Variants in CCSER1 observed in about 807,000 individuals in gnomAD.
CCSER1 encodes serine-rich coiled-coil domain-containing protein 1.
In CCSER1, 41 loss-of-function variants were observed where a neutral mutation model predicts 82.0. The ratio of observed to expected loss-of-function variants is 0.50; its 90% confidence interval spans 0.39 to 0.65. The LOEUF is 0.65. Ranked by LOEUF, CCSER1 falls within the 30% of genes least tolerant of loss-of-function variation. The probability of loss-of-function intolerance (pLI) is 0.00; values close to 1 mark genes in which losing one functional copy is unlikely to be tolerated. For missense variants in CCSER1, 1,119 were observed against 1,064.2 expected (o/e 1.05, Z -0.72); for synonymous variants, 414 against 383.9 (o/e 1.08, Z -0.92).
At chr4:90,457,525 G>A (rs140064587) in intron 4 of CCSER1, among the ~76,000 whole-genome samples, 1 of 152,182 alleles carries the variant, frequency 6.6e-6, no homozygotes, top group Non-Finnish European at 1.5e-5. Flanking sequence ...GAGACCTGAA[G>A]TGGGTAGCTT....
intron 6 of CCSER1, among the ~76,000 whole-genome samples, chr4:90,632,782 A>T (rs1724685641): frequency 6.6e-6 from 1 of 152,104 alleles, no homozygotes; most frequent in Admixed American, 6.5e-5. Flanking sequence ...CTTGCTCCTG[A>T]ATACTTTTCA....
At chr4:91,317,020 C>G (rs1177764490) in intron 10 of CCSER1, among the ~76,000 whole-genome samples, 1 of 151,830 alleles carries the variant, frequency 6.6e-6, no homozygotes, top group Non-Finnish European at 1.5e-5. Flanking sequence ...TTGTAAATTT[C>G]AAAATTGCTA....
intron 10 of CCSER1, among the ~76,000 whole-genome samples, chr4:91,313,367 A>G (rs1051376221): frequency 2.6e-5 from 4 of 151,796 alleles, no homozygotes; most frequent in African/African-American, 9.7e-5. Context: ...CTTTGTTTGC[A>G]TTCTTTCTAT....
intron 3 of CCSER1, among the ~76,000 whole-genome samples, chr4:90,381,645 A>C (rs928736371): frequency 6.6e-6 from 1 of 152,090 alleles, no homozygotes; most frequent in Non-Finnish European, 1.5e-5. Context: ...ATAAAGAAAG[A>C]GGGGGAAAAT....
At chr4:91,157,956 G>A (rs1001305830) in intron 10 of CCSER1, among the ~76,000 whole-genome samples, 1 of 151,948 alleles carries the variant, frequency 6.6e-6, no homozygotes, top group Non-Finnish European at 1.5e-5. Flanking sequence ...ACATGGATTT[G>A]TACTAAATTA....
intron 1 of CCSER1, among the ~76,000 whole-genome samples, chr4:90,184,588 G>C (rs1396909778): frequency 6.6e-6 from 1 of 152,068 alleles, no homozygotes; most frequent in African/African-American, 2.4e-5. Flanking sequence ...ATAAAAATGA[G>C]AGCATGCTAC....
chr4:90,410,580 A>G (rs956332278), intron 4 of CCSER1, among the ~76,000 whole-genome samples: 5 of 152,314 alleles, frequency 3.3e-5, no homozygotes, highest in South Asian at 2.1e-4. Flanking sequence ...TTTGAAACCA[A>G]CGAGAACAAA....
intron 6 of CCSER1, among the ~76,000 whole-genome samples, chr4:90,715,722 T>A (rs905374759): frequency 1.3e-5 from 2 of 152,000 alleles, no homozygotes; most frequent in African/African-American, 4.8e-5. Flanking sequence ...GGTGAGGCAG[T>A]GGGAAAATAC....
chr4:91,142,700 T>C lies in CCSER1; in HGVS notation c.2217+56706T>C, dbSNP rs577404964. Among the ~76,000 whole-genome samples, 6 of 152,270 alleles carry C rather than the reference T, an allele frequency of 3.9e-5. No individual in the cohort carries two copies. The East Asian group carries it at 1.2e-3, about 30-fold the overall frequency. On this transcript the variant is annotated intron_variant, in intron 10 of 10. Transcript: ENST00000509176. ...TTTAGTTTCTTTCTTCTGCATGTAGTTAGCCAGTTATTGCAACATCATTTA... is the reference window on the plus strand; with the variant it reads ...TTTAGTTTCTTTCTTCTGCATGTAGCTAGCCAGTTATTGCAACATCATTTA...
chr4:91,007,623 C>G (rs1738628944), intron 9 of CCSER1, among the ~76,000 whole-genome samples: 1 of 147,168 alleles, frequency 6.8e-6, no homozygotes, highest in African/African-American at 2.5e-5. Flanking sequence ...ATTTATTTGT[C>G]TTCTCTTTTT....
chr4:91,333,502 A>G (rs1376711714), intron 10 of CCSER1, among the ~76,000 whole-genome samples: 1 of 152,014 alleles, frequency 6.6e-6, no homozygotes, highest in African/African-American at 2.4e-5. Flanking sequence ...TCCATTATAT[A>G]GGGCTAAAAC....
intron 10 of CCSER1, among the ~76,000 whole-genome samples, chr4:91,425,909 C>T (rs1020600325): frequency 5.9e-5 from 9 of 152,234 alleles, no homozygotes; most frequent in South Asian, 2.1e-4. Context: ...TAAAATTATA[C>T]TTTAAGACTG....
At chr4:90,775,841 G>A (rs540015811) in intron 7 of CCSER1, among the ~76,000 whole-genome samples, 3 of 151,802 alleles carry the variant, frequency 2.0e-5, no homozygotes, top group Non-Finnish European at 4.4e-5. Flanking sequence ...ACTTTGGTAG[G>A]TAGAGGTTTT....
At chr4:90,468,611 C>T (rs2153588320) in intron 5 of CCSER1, 1 of 281,710 alleles carries the variant, frequency 3.5e-6, no homozygotes, top group Non-Finnish European at 6.6e-6. Context: ...GGCTGATGTA[C>T]TTTATTTCCC....
intron 10 of CCSER1, among the ~76,000 whole-genome samples, chr4:91,419,194 C>T (rs560436853): frequency 1.3e-5 from 2 of 151,942 alleles, no homozygotes; most frequent in South Asian, 2.1e-4. Context: ...TCCATTTTTG[C>T]CACCTGCATT....
chr4:91,438,978 AT>A (rs1314246862), intron 10 of CCSER1, among the ~76,000 whole-genome samples: 6 of 152,220 alleles, frequency 3.9e-5, no homozygotes, highest in Non-Finnish European at 8.8e-5. Context: ...ATATGGGACT[AT>A]GTGAAAGGAC....
chr4:91,252,644 A>G (rs1740338913), intron 10 of CCSER1, among the ~76,000 whole-genome samples: 1 of 152,182 alleles, frequency 6.6e-6, no homozygotes, highest in African/African-American at 2.4e-5. Flanking sequence ...TGTAATGCAT[A>G]AAGACACAAT....
intron 7 of CCSER1, among the ~76,000 whole-genome samples, chr4:90,767,717 C>T (rs1190015349): frequency 2.0e-5 from 3 of 152,098 alleles, no homozygotes; most frequent in Admixed American, 6.5e-5. Flanking sequence ...CTCTGTCACC[C>T]AGGCTGGAGT....
intron 5 of CCSER1, among the ~76,000 whole-genome samples, chr4:90,553,918 A>G (rs1408315701): frequency 1.3e-5 from 2 of 152,236 alleles, no homozygotes; most frequent in African/African-American, 2.4e-5. Context: ...CAACTTATCA[A>G]ATAGAATAAC....
Sources: gnomAD v4.1 joint callset for allele counts (sites outside exome capture counted in the v4.1 genomes callset) on GRCh38, gnomAD v4.1.1 for gene constraint, MANE v1.5 for transcripts, NCBI Gene and HGNC (gene_info 2026-07-23, HGNC 2026-07-21) for gene names.